CAMK4: variants seen among roughly 807,000 people sequenced by gnomAD.
The protein encoded by CAMK4 is calcium/calmodulin dependent protein kinase IV, also known as calcium/calmodulin-dependent protein kinase type IV.
In CAMK4, 22 loss-of-function variants were observed where a neutral mutation model predicts 44.9. The observed-to-expected ratio is 0.49, with a 90% CI of 0.35 to 0.70. CAMK4 has a LOEUF of 0.70. Among genes scored for constraint, CAMK4 ranks in the 30% least tolerant of loss-of-function variants. CAMK4 has a pLI of 0.01. For synonymous variants in CAMK4, 218 were observed against 215.4 expected (o/e 1.01, Z -0.11); for missense variants, 498 against 586.8 (o/e 0.85, Z 1.56).
intron 1 of CAMK4, among the ~76,000 whole-genome samples, chr5:111,340,295 T>C (rs991820889): frequency 6.6e-6 from 1 of 151,398 alleles, no homozygotes; most frequent in Non-Finnish European, 1.5e-5. Flanking sequence ...CTATGTCTTG[T>C]TCCTGATTTT....
At chr5:111,374,724 C>G (rs1426791988) in intron 2 of CAMK4, 126 bp from the exon 3 acceptor site, 9 of 643,524 alleles carry the variant, frequency 1.4e-5, no homozygotes, top group Non-Finnish European at 2.5e-5. Context: ...AGGAGACACA[C>G]AAAAGCTAAG....
chr5:111,390,794 A>C (rs1751768233), intron 4 of CAMK4, among the ~76,000 whole-genome samples: 1 of 152,302 alleles, frequency 6.6e-6, no homozygotes. Context: ...TCTACAGCAA[A>C]ACCAGGTGGC....
At chr5:111,462,209 GA>G (rs1754668980) in intron 7 of CAMK4, among the ~76,000 whole-genome samples, 1 of 152,088 alleles carries the variant, frequency 6.6e-6, no homozygotes, top group Admixed American at 6.5e-5. Context: ...AACTTCTCTA[GA>G]TCCTCTACAT....
chr5:111,408,764 G>A (rs1008072084), intron 5 of CAMK4, among the ~76,000 whole-genome samples: 1 of 152,168 alleles, frequency 6.6e-6, no homozygotes, highest in East Asian at 1.9e-4. Context: ...TACAGTGGGG[G>A]TATAGGCCTT....
intron 2 of CAMK4, among the ~76,000 whole-genome samples, chr5:111,354,935 G>C (rs1396126871): frequency 6.6e-6 from 1 of 152,072 alleles, no homozygotes; most frequent in East Asian, 1.9e-4. Context: ...AATGAGCCAT[G>C]CATTTTCTAA....
chr5:111,292,441 A>C (rs1385506259), intron 1 of CAMK4, among the ~76,000 whole-genome samples: 1 of 152,108 alleles, frequency 6.6e-6, no homozygotes, highest in African/African-American at 2.4e-5. Flanking sequence ...GTGTATATAT[A>C]TGTATATATA....
intron 5 of CAMK4, among the ~76,000 whole-genome samples, chr5:111,406,887 T>C (rs1397647578): frequency 6.6e-6 from 1 of 152,260 alleles, no homozygotes; most frequent in East Asian, 1.9e-4. Flanking sequence ...TTAATAGATA[T>C]GACCTGCCTC....
chr5:111,463,730 C>T (rs1407985378), intron 7 of CAMK4, among the ~76,000 whole-genome samples: 2 of 152,296 alleles, frequency 1.3e-5, no homozygotes, highest in East Asian at 3.9e-4. Flanking sequence ...TGGCTAGATC[C>T]AGAAGATTAA....
At chr5:111,456,893 T>C (rs1032062467) in intron 7 of CAMK4, among the ~76,000 whole-genome samples, 1 of 152,220 alleles carries the variant, frequency 6.6e-6, no homozygotes, top group Non-Finnish European at 1.5e-5. Flanking sequence ...GATTTGTTCC[T>C]TAGTTTTGAT....
chr5:111,341,739 T>C (rs1749653678), intron 1 of CAMK4, among the ~76,000 whole-genome samples: 1 of 151,324 alleles, frequency 6.6e-6, no homozygotes, highest in Non-Finnish European at 1.5e-5. Flanking sequence ...CTCTTTACAA[T>C]TCATGAGATA....
chr5:111,424,164 G>T (rs1360648740), intron 5 of CAMK4, among the ~76,000 whole-genome samples: 1 of 152,164 alleles, frequency 6.6e-6, no homozygotes, highest in East Asian at 1.9e-4. Flanking sequence ...AACCATGGTA[G>T]GAATTCAGGA....
At position 111,494,814 on chromosome 5, in the gene CAMK4, A is replaced by C. The variant is rs1287403291; in HGVS notation, c.*10348A>C. On this transcript the variant is annotated 3_prime_UTR_variant, in exon 11 of 11. Coordinates refer to ENST00000282356, the MANE Select transcript of CAMK4 (RefSeq NM_001744.6). The stretch of plus-strand genomic sequence containing the variant: ...TCAGAACATGCCCAAAGAAGCCTAT[A>C]TCTTGCTGCTGGGAAATGTAAAGCA... 2 of 152,180 alleles carry C rather than the reference A, an allele frequency of 1.3e-5. No homozygotes were observed. Among genetic ancestry groups the C allele is most frequent in the African/African-American group, 4.8e-5 (2 of 41,458 alleles). 9.4% of individuals were successfully genotyped at this position (152,180 alleles called of 1,614,324 possible). A position where few individuals can be genotyped will look rare whatever the true frequency, so the allele number is the denominator to read the frequency against.
chr5:111,445,389 A>G (rs887248212), intron 5 of CAMK4, among the ~76,000 whole-genome samples: 2 of 152,034 alleles, frequency 1.3e-5, no homozygotes, highest in Non-Finnish European at 2.9e-5. Context: ...CCTTGTGTAT[A>G]TACATATGTA....
At chr5:111,227,441 T>A (rs1420680194) in intron 1 of CAMK4, among the ~76,000 whole-genome samples, 1 of 152,216 alleles carries the variant, frequency 6.6e-6, no homozygotes, top group Non-Finnish European at 1.5e-5. Context: ...GCTGTTGTGG[T>A]TAGCTCTAGA....
chr5:111,347,726 T>C (rs963057870), intron 2 of CAMK4, among the ~76,000 whole-genome samples: 1 of 152,026 alleles, frequency 6.6e-6, no homozygotes, highest in African/African-American at 2.4e-5. Context: ...GGACCCACCC[T>C]ACTCCAGTAT....
At chr5:111,481,746 TTGTC>T (rs1475658461) in intron 9 of CAMK4, among the ~76,000 whole-genome samples, 1 of 152,132 alleles carries the variant, frequency 6.6e-6, no homozygotes, top group Non-Finnish European at 1.5e-5. Flanking sequence ...CAATTCCAAA[TTGTC>T]TGACCTGAGG....
intron 7 of CAMK4, among the ~76,000 whole-genome samples, chr5:111,458,181 C>T (rs548850540): frequency 5.9e-5 from 9 of 152,206 alleles, no homozygotes; most frequent in Non-Finnish European, 1.2e-4. Flanking sequence ...CTGCCACAGG[C>T]ATGCTTGCAG....
At position 111,492,756 on chromosome 5, in the gene CAMK4, A is replaced by G. The variant is rs1755897587; in HGVS notation, c.*8290A>G. The G allele has an allele frequency of 6.6e-6, 1 of 152,206 alleles. No homozygotes were observed. Among genetic ancestry groups the G allele is most frequent in the Non-Finnish European group, 1.5e-5 (1 of 68,040 alleles). The allele number at this position is 152,206 out of a possible 1,614,324, so 9.4% of individuals were successfully genotyped here. A position where few individuals can be genotyped will look rare whatever the true frequency, so the allele number is the denominator to read the frequency against. ...TATGCCATGGAGGAGTCAAAGATGA[A>G]TTAAATCCAATGCTATCCTCCAGGA... On this transcript the variant is annotated 3_prime_UTR_variant, in exon 11 of 11. Coordinates refer to ENST00000282356, the MANE Select transcript of CAMK4 (RefSeq NM_001744.6).
At chr5:111,253,973 C>T (rs777528945) in intron 1 of CAMK4, among the ~76,000 whole-genome samples, 79 of 152,026 alleles carry the variant, frequency 5.2e-4, no homozygotes, top group Non-Finnish European at 6.8e-4. Flanking sequence ...TTTCTTTTCA[C>T]CTGGAAAAAG....
Sources: allele counts gnomAD v4.1 joint callset (sites outside exome capture counted in the v4.1 genomes callset), GRCh38; gene constraint gnomAD v4.1.1; transcripts MANE v1.5; gene names NCBI Gene and HGNC (gene_info 2026-07-23, HGNC 2026-07-21).